The following SHB variants were observed in gnomAD, a reference collection of about 807,000 sequenced individuals.
SHB encodes SH2 domain containing adaptor protein B, also known as SH2 domain-containing adapter protein B.
In SHB, 20 loss-of-function variants were observed where a neutral mutation model predicts 52.3. The observed-to-expected ratio is 0.38, with a 90% CI of 0.27 to 0.56. The LOEUF is 0.56. Among genes scored for constraint, SHB ranks in the 20% least tolerant of loss-of-function variants. The pLI is 0.71. For missense variants in SHB, 825 were observed against 723.3 expected, an observed-to-expected ratio of 1.14 and a Z score of -1.61; for synonymous variants, 397 against 316.5, an observed-to-expected ratio of 1.25 and a Z score of -2.70.
At chr9:38,041,362 T>C (rs1380335005) in intron 1 of SHB, among the ~76,000 whole-genome samples, 1 of 152,178 alleles carries the variant, frequency 6.6e-6, no homozygotes, top group Non-Finnish European at 1.5e-5. Flanking sequence ...CTTACCACTA[T>C]GACATGAGAT....
At chr9:37,994,718 C>T (rs1283677312) in intron 2 of SHB, among the ~76,000 whole-genome samples, 3 of 152,262 alleles carry the variant, frequency 2.0e-5, no homozygotes, top group Non-Finnish European at 4.4e-5. Flanking sequence ...AGTGCGCAGA[C>T]ACACAACCTT....
chr9:37,969,780 A>G (rs1214872357), intron 3 of SHB, among the ~76,000 whole-genome samples: 1 of 152,108 alleles, frequency 6.6e-6, no homozygotes, highest in Admixed American at 6.5e-5. Context: ...CTGCCACACC[A>G]ACCTGCACCA....
At chr9:37,958,749 C>T (rs904409466) in intron 3 of SHB, among the ~76,000 whole-genome samples, 2 of 152,222 alleles carry the variant, frequency 1.3e-5, no homozygotes, top group Non-Finnish European at 2.9e-5. Context: ...CACATCACCA[C>T]CAGCATCTAC....
chr9:38,066,876 G>A (rs113857120), intron 1 of SHB, among the ~76,000 whole-genome samples: 6 of 152,290 alleles, frequency 3.9e-5, no homozygotes, highest in African/African-American at 1.4e-4. Context: ...CCCAGGCCTG[G>A]GCAAAGGTTT....
chr9:37,935,282 C>T (rs902474269), intron 5 of SHB, among the ~76,000 whole-genome samples: 12 of 152,292 alleles, frequency 7.9e-5, no homozygotes, highest in African/African-American at 2.4e-4. Context: ...ACTCTGCAGA[C>T]GCCTGTTCAA....
chr9:38,049,135 C>T (rs1318832821), intron 1 of SHB, among the ~76,000 whole-genome samples: 2 of 152,210 alleles, frequency 1.3e-5, no homozygotes, highest in Non-Finnish European at 1.5e-5. Context: ...ATCCTGCTAC[C>T]TCAGCCTCCC....
At chr9:37,973,226 A>G (rs375668290) in intron 3 of SHB, among the ~76,000 whole-genome samples, 18 of 152,078 alleles carry the variant, frequency 1.2e-4, no homozygotes, top group South Asian at 6.2e-4. Context: ...CCTTTTCCGA[A>G]TTTTTTTATT....
intron 1 of SHB, among the ~76,000 whole-genome samples, chr9:38,043,498 G>C (rs551144698): frequency 6.6e-6 from 1 of 152,216 alleles, no homozygotes; most frequent in Non-Finnish European, 1.5e-5. Context: ...GCCACCTTTA[G>C]ATGGGAGAGA....
Position 38,016,102 on chromosome 9 carries a change from G to C in SHB, c.747C>G (p.Pro249=). The change falls in exon 2 of 6, where the codon CCC becomes CCG. Residue 249 remains proline (P), a synonymous_variant. Coordinates refer to ENST00000377707, the MANE Select transcript of SHB (RefSeq NM_003028.3). The part of the protein sequence containing the change: ...KVTIADDYSD[P]FDAKNDLKSK... ...TCTTGAGATCATTCTTGGCATCAAA[G>C]GGATCTGAGTAGTCATCGGCTATGG... 6.2e-7 allele frequency: 1 copy of C among 1,614,176 alleles called. No homozygotes were observed. Among genetic ancestry groups the C allele is most frequent in the Admixed American group, 1.7e-5 (1 of 60,028 alleles).
At chr9:37,966,345 C>A (rs965216242) in intron 3 of SHB, among the ~76,000 whole-genome samples, 2 of 152,064 alleles carry the variant, frequency 1.3e-5, no homozygotes, top group African/African-American at 2.4e-5. Flanking sequence ...ATATTTCTAT[C>A]AATGTAATTA....
intron 1 of SHB, among the ~76,000 whole-genome samples, chr9:38,056,382 A>G (rs1478178875): frequency 6.6e-6 from 1 of 152,240 alleles, no homozygotes; most frequent in Non-Finnish European, 1.5e-5. Context: ...TCCAGGCTGG[A>G]ATACACTGGC....
At position 38,068,033 on chromosome 9, in the gene SHB, C is replaced by G; in HGVS notation, c.613G>C (p.Ala205Pro). 6.6e-7 allele frequency: 1 copy of G among 1,508,068 alleles called. No individual in the cohort carries two copies. Among genetic ancestry groups the G allele is most frequent in the Non-Finnish European group, 8.8e-7 (1 of 1,136,294 alleles). The allele number at this position is 1,508,068 out of a possible 1,614,324, so 93.4% of individuals were successfully genotyped here. ...GTCGGGCTCCAGGTGCGGCCGCCCGCGCAGGCGCCCCCCAGGGGGTCCCCG... is the reference window on the plus strand; with the variant it reads ...GTCGGGCTCCAGGTGCGGCCGCCCGGGCAGGCGCCCCCCAGGGGGTCCCCG... ...GAGDPLGGAC[A>P]GGRTWSPTAC... Residue 205 changes from alanine (A) to proline (P), a missense_variant, in exon 1 of 6, where the codon GCG becomes CCG. Physicochemically the swap from Ala to Pro is conservative, Grantham distance 27 (BLOSUM62 -1). Coordinates refer to ENST00000377707, the MANE Select transcript of SHB (RefSeq NM_003028.3).
In SHB at chr9:37,920,021, GAGT is replaced by G. The variant is rs753300029; in HGVS notation, c.1347-20_1347-18del. 1 of 1,608,500 alleles carries G rather than the reference GAGT, an allele frequency of 6.2e-7. No homozygotes were observed. Among genetic ancestry groups the G allele is most frequent in the South Asian group, 1.1e-5 (1 of 90,798 alleles). The stretch of plus-strand genomic sequence containing the variant: ...TGGTTGCTCCTGTGAACAAAACACA[GAGT>G]TATCAGAACTACCCCCCTGACACTC... On this transcript the variant is annotated intron_variant, in intron 5 of 5. Transcript: ENST00000377707.
chr9:38,054,854 G>A (rs1240689434), intron 1 of SHB, among the ~76,000 whole-genome samples: 2 of 152,226 alleles, frequency 1.3e-5, no homozygotes, highest in South Asian at 4.1e-4. Context: ...GTCAACCCCA[G>A]CTGTGCAAAG....
chr9:37,925,570 T>C (rs538565171), intron 5 of SHB, among the ~76,000 whole-genome samples: 1 of 152,302 alleles, frequency 6.6e-6, no homozygotes, highest in Non-Finnish European at 1.5e-5. Context: ...AACATGAAAG[T>C]GAGACAAGTT....
chr9:37,992,953 C>T (rs1423679723), intron 2 of SHB, among the ~76,000 whole-genome samples: 2 of 152,160 alleles, frequency 1.3e-5, no homozygotes, highest in Non-Finnish European at 2.9e-5. Flanking sequence ...TGAGAACATG[C>T]CCCCAACAGC....
At chr9:37,954,768 A>G (rs1240640760) in intron 4 of SHB, among the ~76,000 whole-genome samples, 1 of 152,222 alleles carries the variant, frequency 6.6e-6, no homozygotes, top group Non-Finnish European at 1.5e-5. Context: ...CACAGAATGA[A>G]TGGCAGGCTA....
At chr9:38,035,823 C>A (rs1265372834) in intron 1 of SHB, among the ~76,000 whole-genome samples, 1 of 152,152 alleles carries the variant, frequency 6.6e-6, no homozygotes, top group Admixed American at 6.5e-5. Flanking sequence ...GGAGCTTTTA[C>A]AATGCACCAT....
chr9:37,934,179 C>T (rs372279900), intron 5 of SHB, among the ~76,000 whole-genome samples: 2 of 152,226 alleles, frequency 1.3e-5, no homozygotes, highest in Middle Eastern at 3.4e-3. Flanking sequence ...CCTCCTGAGT[C>T]CCCCCCTCTC....
Sources: gnomAD v4.1 joint callset for allele counts (sites outside exome capture counted in the v4.1 genomes callset) on GRCh38, gnomAD v4.1.1 for gene constraint, MANE v1.5 for transcripts, NCBI Gene and HGNC (gene_info 2026-07-23, HGNC 2026-07-21) for gene names.